Variants in DIPK1A observed in about 807,000 individuals in gnomAD.
DIPK1A encodes family with sequence similarity 69 member A.
Under a neutral mutation model 40.8 loss-of-function variants are expected in DIPK1A, and 27 were observed. That is an observed-to-expected ratio of 0.66 (90% CI 0.49 to 0.91). The LOEUF is 0.91. Ranked by LOEUF, DIPK1A falls within the 40% of genes least tolerant of loss-of-function variation. The pLI is 0.00. For synonymous variants in DIPK1A, 166 were observed against 171.3 expected (o/e 0.97, Z 0.24); for missense variants, 412 against 505.7 (o/e 0.81, Z 1.78).
intron 1 of DIPK1A, among the ~76,000 whole-genome samples, chr1:92,914,653 C>A (rs1231794589): frequency 6.6e-6 from 1 of 151,566 alleles, no homozygotes; most frequent in East Asian, 1.9e-4. Context: ...CCTGTAGTCC[C>A]AGCTACTTGG....
At chr1:92,928,143 A>G (rs1479392659) in intron 1 of DIPK1A, among the ~76,000 whole-genome samples, 1 of 152,244 alleles carries the variant, frequency 6.6e-6, no homozygotes, top group Non-Finnish European at 1.5e-5. Flanking sequence ...TTTTTATTAT[A>G]GCCATCCTAG....
intron 2 of DIPK1A, among the ~76,000 whole-genome samples, chr1:92,872,563 A>G (rs1025782688): frequency 2.0e-5 from 3 of 151,958 alleles, no homozygotes; most frequent in African/African-American, 7.3e-5. Flanking sequence ...TTATCTCTTG[A>G]TTTTTGGTCA....
intron 1 of DIPK1A, among the ~76,000 whole-genome samples, chr1:92,919,980 A>G (rs1464762069): frequency 6.6e-6 from 1 of 152,248 alleles, no homozygotes; most frequent in African/African-American, 2.4e-5. Context: ...GTACACAAGT[A>G]TATCACAGGC....
At chr1:92,880,900 A>G (rs1648339205) in intron 1 of DIPK1A, among the ~76,000 whole-genome samples, 1 of 148,418 alleles carries the variant, frequency 6.7e-6, no homozygotes, top group Admixed American at 6.7e-5. Context: ...CAAACAAAAA[A>G]ACTACTTCTG....
chr1:92,929,705 T>C (rs2100869395), intron 1 of DIPK1A, among the ~76,000 whole-genome samples: 1 of 152,360 alleles, frequency 6.6e-6, no homozygotes, highest in East Asian at 1.9e-4. Context: ...TACATTTCAA[T>C]AATCTTTGTC....
chr1:92,870,610 A>G (rs897740762), intron 2 of DIPK1A, among the ~76,000 whole-genome samples: 2 of 152,202 alleles, frequency 1.3e-5, no homozygotes, highest in Non-Finnish European at 2.9e-5. Flanking sequence ...TGCAATTACC[A>G]TCATATGTGG....
chr1:92,860,646 A>AAAAAAAAAAAATAGCCAGGGG (rs148916481), intron 2 of DIPK1A, among the ~76,000 whole-genome samples: 1 of 105,212 alleles, frequency 9.5e-6, no homozygotes, highest in African/African-American at 3.7e-5. Flanking sequence ...AAAAAAAAAA[A>AAAAAAAAAAAATAGCCAGGGG]TGGTGGTGTG....
intron 2 of DIPK1A, among the ~76,000 whole-genome samples, chr1:92,867,608 C>T (rs560793298): frequency 1.3e-5 from 2 of 152,240 alleles, no homozygotes; most frequent in South Asian, 2.1e-4. Context: ...CAGGTTCAAG[C>T]GATTCTCCTG....
At chr1:92,891,181 CT>C (rs1186271589) in intron 1 of DIPK1A, among the ~76,000 whole-genome samples, 2 of 151,924 alleles carry the variant, frequency 1.3e-5, no homozygotes, top group African/African-American at 4.8e-5. Flanking sequence ...TTTTTCATTT[CT>C]GATTTTATTT....
intron 1 of DIPK1A, among the ~76,000 whole-genome samples, chr1:92,901,261 C>T (rs1388274337): frequency 1.3e-5 from 2 of 151,820 alleles, no homozygotes; most frequent in Non-Finnish European, 2.9e-5. Flanking sequence ...TCAGGTCTGA[C>T]ATGGCCTACA....
intron 1 of DIPK1A, among the ~76,000 whole-genome samples, chr1:92,959,730 G>T (rs1651987397): frequency 6.6e-6 from 1 of 150,668 alleles, no homozygotes; most frequent in East Asian, 2.0e-4. Flanking sequence ...GAGCCACTGC[G>T]CCTGGCCGTT....
chr1:92,835,628 C>G (rs953742643), intron 4 of DIPK1A, among the ~76,000 whole-genome samples: 4 of 147,760 alleles, frequency 2.7e-5, no homozygotes, highest in Non-Finnish European at 5.9e-5. Flanking sequence ...CCATTGCACT[C>G]CAGCCTGGGC....
At chr1:92,916,345 A>C (rs1650054087) in intron 1 of DIPK1A, among the ~76,000 whole-genome samples, 1 of 141,716 alleles carries the variant, frequency 7.1e-6, no homozygotes, top group Non-Finnish European at 1.5e-5. Context: ...GTTGTCACCC[A>C]GGCTGGAGTG....
At chr1:92,873,730 G>A (rs944281334) in intron 2 of DIPK1A, among the ~76,000 whole-genome samples, 1 of 151,460 alleles carries the variant, frequency 6.6e-6, no homozygotes, top group African/African-American at 2.4e-5. Context: ...TTTTATTTTT[G>A]AGATGAAGTC....
chr1:92,876,412 G>A lies in DIPK1A; in HGVS notation c.73C>T (p.Arg25Trp), dbSNP rs749464126. The change falls in exon 2 of 5, where the codon CGG becomes TGG. Residue 25 changes from arginine to tryptophan, a missense_variant. Coordinates refer to ENST00000370310, the MANE Select transcript of DIPK1A (RefSeq NM_001006605.5). Reference protein sequence around the residue: ...YYLQARFSYVRMKYLFFSWLV... With the variant: ...YYLQARFSYVWMKYLFFSWLV... ...CAGGAAAAGAAAAGATATTTCATCC[G>A]CACATATGAGAAGCGAGCCTGTGAG... 12 of 1,612,668 alleles carry A rather than the reference G, an allele frequency of 7.4e-6. No individual in the cohort carries two copies. The highest frequency in any genetic ancestry group is 2.7e-5 in the African/African-American group (2 of 74,804).
At chr1:92,842,015 C>T, downstream of DIPK1A, 1 of 798,580 alleles carries the variant, frequency 1.3e-6, no homozygotes, top group Non-Finnish European at 1.9e-6. Flanking sequence ...TTTTTTTCTC[C>T]AAGAAAACAA....
chr1:92,877,583 T>A (rs986941227), intron 1 of DIPK1A, among the ~76,000 whole-genome samples: 1 of 152,192 alleles, frequency 6.6e-6, no homozygotes, highest in Non-Finnish European at 1.5e-5. Flanking sequence ...GATATCTTTG[T>A]GAGGTTAACA....
intron 1 of DIPK1A, among the ~76,000 whole-genome samples, chr1:92,893,297 G>A (rs372340058): frequency 1.5e-4 from 23 of 151,466 alleles, no homozygotes; most frequent in South Asian, 1.0e-3. Flanking sequence ...GACTAACAGC[G>A]GATCTCTCGG....
chr1:92,887,209 G>C (rs1424880067), intron 1 of DIPK1A, among the ~76,000 whole-genome samples: 1 of 145,718 alleles, frequency 6.9e-6, no homozygotes, highest in African/African-American at 2.6e-5. Flanking sequence ...TTGAGCCCAG[G>C]AGTTTGAGAC....
Sources: gnomAD v4.1 joint callset for allele counts (sites outside exome capture counted in the v4.1 genomes callset) on GRCh38, gnomAD v4.1.1 for gene constraint, MANE v1.5 for transcripts, NCBI Gene and HGNC (gene_info 2026-07-23, HGNC 2026-07-21) for gene names.